SUCO: variants seen among roughly 807,000 people sequenced by gnomAD.
SUCO encodes the protein SUN domain-containing ossification factor.
Under a neutral mutation model 148.1 loss-of-function variants are expected in SUCO, and 57 were observed. That is an observed-to-expected ratio of 0.38 (90% CI 0.31 to 0.48). The LOEUF (loss-of-function observed/expected upper bound fraction) is 0.48, where lower values mean the gene tolerates loss of function less well. Ranked by LOEUF, SUCO falls within the 20% of genes least tolerant of loss-of-function variation. The pLI is 0.96. For synonymous variants in SUCO, 470 were observed against 502.7 expected (o/e 0.93, Z 0.87); for missense variants, 1,331 against 1,468.2 (o/e 0.91, Z 1.53).
chr1:172,533,682 T>C (rs1225332689), intron 1 of SUCO, among the ~76,000 whole-genome samples, 185 bp downstream of exon 1: 1 of 152,114 alleles, frequency 6.6e-6, no homozygotes, highest in East Asian at 1.9e-4. Flanking sequence ...TGCGGAGATT[T>C]TCATGGTGTA....
chr1:172,559,257 C>A (rs60485575), intron 6 of SUCO, among the ~76,000 whole-genome samples: 5,123 of 152,252 alleles, frequency 0.034, 265 homozygotes, highest in African/African-American at 0.12. Context: ...TATTTGTTCT[C>A]TTATTTGTTG....
chr1:172,561,541 A>G (rs1654153113), intron 6 of SUCO, among the ~76,000 whole-genome samples: 1 of 152,214 alleles, frequency 6.6e-6, no homozygotes, highest in Non-Finnish European at 1.5e-5. Context: ...GGGAGAGCAA[A>G]CAAGATTAAT....
chr1:172,600,851 A>T (rs967313966), intron 20 of SUCO, among the ~76,000 whole-genome samples: 3 of 152,116 alleles, frequency 2.0e-5, no homozygotes, highest in Non-Finnish European at 4.4e-5. Flanking sequence ...GCCTGGAATG[A>T]TAACAAACCT....
At chr1:172,599,268 G>A (rs1036885975) in intron 19 of SUCO, 1 of 158,144 alleles carries the variant, frequency 6.3e-6, no homozygotes, top group Admixed American at 6.5e-5. Context: ...GGCGGAGCTT[G>A]CAGTGAGCTG....
chr1:172,588,370 G>T, intron 17 of SUCO: 4 of 985,152 alleles, frequency 4.1e-6, no homozygotes, highest in Non-Finnish European at 4.8e-6. Context: ...GCTCTTAGTT[G>T]GCTTAATTTC....
intron 14 of SUCO, 33 bp downstream of exon 14, chr1:172,578,422 TA>T (rs749650782): frequency 1.0e-5 from 16 of 1,582,426 alleles, no homozygotes; most frequent in Middle Eastern, 1.7e-4. Context: ...CTGTTAGGTA[TA>T]TTTTTTTTAC....
chr1:172,563,433 G>A (rs1271896458), intron 6 of SUCO, among the ~76,000 whole-genome samples: 1 of 152,218 alleles, frequency 6.6e-6, no homozygotes, highest in Admixed American at 6.5e-5. Flanking sequence ...GAGCAGAGGT[G>A]ACTCTTGCTG....
At chr1:172,597,937 G>C (rs1358787134) in intron 19 of SUCO, among the ~76,000 whole-genome samples, 1 of 152,176 alleles carries the variant, frequency 6.6e-6, no homozygotes, top group African/African-American at 2.4e-5. Context: ...AGTGTGGTTT[G>C]AAGAGCAGAA....
At chr1:172,539,255 C>T (rs150710117) in intron 1 of SUCO, among the ~76,000 whole-genome samples, 28 of 152,188 alleles carry the variant, frequency 1.8e-4, no homozygotes, top group Non-Finnish European at 2.9e-5. Context: ...CCTGTATGTA[C>T]GTGATGCTTT....
At chr1:172,540,406 C>T (rs1318709030) in intron 1 of SUCO, among the ~76,000 whole-genome samples, 2 of 152,126 alleles carry the variant, frequency 1.3e-5, no homozygotes, top group African/African-American at 4.8e-5. Context: ...AAAAGAAATA[C>T]GCATACCTAG....
intron 15 of SUCO, 77 bp from the exon 16 acceptor site, chr1:172,584,941 T>C (rs760092443): frequency 1.6e-5 from 15 of 951,220 alleles, no homozygotes; most frequent in Non-Finnish European, 2.3e-5. Flanking sequence ...TTCTAAATGA[T>C]TTTTTGACTA....
intron 15 of SUCO, among the ~76,000 whole-genome samples, chr1:172,583,884 A>T (rs1214517883): frequency 6.6e-6 from 1 of 152,180 alleles, no homozygotes; most frequent in Non-Finnish European, 1.5e-5. Context: ...ATATTTTGTT[A>T]TGCTCATGTA....
upstream of SUCO, chr1:172,532,443 A>AG (rs1393480385): frequency 7.1e-6 from 11 of 1,558,896 alleles, no homozygotes; most frequent in South Asian, 4.6e-5. Context: ...GAGAAGAAAA[A>AG]GCGAAAGGTT....
intron 1 of SUCO, among the ~76,000 whole-genome samples, chr1:172,548,782 C>T (rs1045410411): frequency 6.6e-6 from 1 of 151,824 alleles, no homozygotes; most frequent in Non-Finnish European, 1.5e-5. Context: ...AGTTTACTAT[C>T]GGTATTTGGG....
chr1:172,588,493 T>G, intron 17 of SUCO: 1 of 985,250 alleles, frequency 1.0e-6, no homozygotes, highest in Non-Finnish European at 1.2e-6. Flanking sequence ...CTTAAACAGA[T>G]TAAAAGAAAG....
chr1:172,590,003 G>A, intron 18 of SUCO, 77 bp downstream of exon 18: 2 of 1,208,256 alleles, frequency 1.7e-6, no homozygotes, highest in African/African-American at 1.5e-5. Flanking sequence ...TGTGATTACA[G>A]GAGAGGATTT....
intron 2 of SUCO, 64 bp from the exon 3 acceptor site, chr1:172,553,196 A>T: frequency 1.4e-6 from 2 of 1,415,506 alleles, no homozygotes; most frequent in South Asian, 1.7e-5. Flanking sequence ...CCATCTTCGT[A>T]TTGCTTTATA....
rs1656506114 is a variant in SUCO at position 172,589,764 on chromosome 1, A to ATGC, written c.2666_2668dup (p.Ala889dup). ...TTACAGAGGACAGCTACAGATTTTT[A>ATGC]TGCTGAATTGCAAAATTCTACAGAT... On this transcript the variant is annotated inframe_insertion, in exon 18 of 24. Coordinates refer to ENST00000263688, the MANE Select transcript of SUCO (RefSeq NM_014283.5). 5.6e-6 allele frequency: 9 copies of ATGC among 1,612,098 alleles called. No individual in the cohort carries two copies. The highest frequency in any genetic ancestry group is 7.6e-6 in the Non-Finnish European group (9 of 1,179,290).
chr1:172,546,811 A>C (rs1408758375), intron 1 of SUCO, among the ~76,000 whole-genome samples: 1 of 152,164 alleles, frequency 6.6e-6, no homozygotes, highest in Non-Finnish European at 1.5e-5. Context: ...CTGGAGGCTG[A>C]GGTGGAAGGA....
Sources: gnomAD v4.1 joint callset for allele counts (sites outside exome capture counted in the v4.1 genomes callset) on GRCh38, gnomAD v4.1.1 for gene constraint, MANE v1.5 for transcripts, NCBI Gene and HGNC (gene_info 2026-07-23, HGNC 2026-07-21) for gene names.